DAB1: variants seen among roughly 807,000 people sequenced by gnomAD.
DAB1 encodes the protein DAB adaptor protein 1, also known as disabled homolog 1.
In DAB1, 15 loss-of-function variants were observed where a neutral mutation model predicts 64.6. That is an observed-to-expected ratio of 0.23 (90% confidence interval 0.16 to 0.36). The LOEUF is 0.36. Among genes scored for constraint, DAB1 ranks in the 10% least tolerant of loss-of-function variants. DAB1 has a pLI of 1.00. For synonymous variants in DAB1, 235 were observed against 251.9 expected, an observed-to-expected ratio of 0.93 and a Z score of 0.64; for missense variants, 596 against 706.7, an observed-to-expected ratio of 0.84 and a Z score of 1.78.
chr1:58,545,374 A>C (rs1012288100), intron 1 of DAB1, among the ~76,000 whole-genome samples: 1 of 152,190 alleles, frequency 6.6e-6, no homozygotes, highest in African/African-American at 2.4e-5. Context: ...ACTGACAACC[A>C]AGTGTCGTTT....
At chr1:57,214,303 A>G (rs1170359756) in intron 2 of DAB1, among the ~76,000 whole-genome samples, 1 of 152,150 alleles carries the variant, frequency 6.6e-6, no homozygotes, top group Non-Finnish European at 1.5e-5. Flanking sequence ...ATCACCTCCT[A>G]AAGGCCCACC....
At chr1:57,093,378 C>T (rs1653869876) in intron 4 of DAB1, among the ~76,000 whole-genome samples, 1 of 152,110 alleles carries the variant, frequency 6.6e-6, no homozygotes, top group Non-Finnish European at 1.5e-5. Context: ...CTCAGTGAGC[C>T]CAGTTCCAGG....
chr1:58,381,611 G>C (rs1644389961), intron 3 of DAB1, among the ~76,000 whole-genome samples: 1 of 152,190 alleles, frequency 6.6e-6, no homozygotes, highest in Non-Finnish European at 1.5e-5. Context: ...TCAGATTCAG[G>C]ATACAGTTTG....
At chr1:57,162,296 G>A (rs1444137145) in intron 2 of DAB1, among the ~76,000 whole-genome samples, 1 of 152,176 alleles carries the variant, frequency 6.6e-6, no homozygotes, top group Non-Finnish European at 1.5e-5. Context: ...AGGAGTGTTT[G>A]TATAATTTGG....
intron 9 of DAB1, among the ~76,000 whole-genome samples, chr1:57,040,201 A>C (rs1448651365): frequency 6.6e-6 from 1 of 152,096 alleles, no homozygotes; most frequent in African/African-American, 2.4e-5. Flanking sequence ...GGGTTGGGGA[A>C]GCTGGGGGCA....
Position 57,015,290 on chromosome 1 carries a change from A to G in DAB1, c.1037T>C (p.Leu346Pro), listed in dbSNP as rs149973899. 4.8e-5 allele frequency: 77 copies of G among 1,613,992 alleles called. No individual in the cohort carries two copies. The highest frequency in any genetic ancestry group is 3.2e-4 in the Admixed American group (19 of 60,008). ...AQPIAWGQPGLFPATQQPWPT... is the reference protein window; with the variant it reads ...AQPIAWGQPGPFPATQQPWPT... Reference sequence around the variant, plus strand: ...CCAGGGCTGCTGAGTGGCAGGAAAGAGACCCGGCTGGCCCCATGCGATGGG... The same window carrying G: ...CCAGGGCTGCTGAGTGGCAGGAAAGGGACCCGGCTGGCCCCATGCGATGGG... Residue 346 changes from leucine to proline, a missense_variant, in exon 12 of 15, where the codon CTC (leucine) becomes CCC (proline). By Grantham distance (98) the Leu-to-Pro change is moderately conservative. Coordinates refer to ENST00000371236, the MANE Select transcript of DAB1 (RefSeq NM_001365792.1).
chr1:57,904,136 T>C (rs774657520), intron 5 of DAB1, among the ~76,000 whole-genome samples: 14 of 152,194 alleles, frequency 9.2e-5, no homozygotes, highest in Non-Finnish European at 2.1e-4. Flanking sequence ...TCTGATTTGG[T>C]GGATCACAGG....
chr1:58,278,176 C>T (rs1569595819), intron 4 of DAB1, among the ~76,000 whole-genome samples: 1 of 152,144 alleles, frequency 6.6e-6, no homozygotes, highest in Non-Finnish European at 1.5e-5. Context: ...GCAGTTTCCC[C>T]CATGCTGTTC....
chr1:58,502,170 TA>T (rs958798943), intron 3 of DAB1, among the ~76,000 whole-genome samples: 1 of 152,064 alleles, frequency 6.6e-6, no homozygotes, highest in Non-Finnish European at 1.5e-5. Context: ...CAATAAGAAA[TA>T]AAAATATACA....
chr1:57,832,799 G>A (rs997635691), intron 1 of DAB1, among the ~76,000 whole-genome samples: 1 of 152,056 alleles, frequency 6.6e-6, no homozygotes, highest in Admixed American at 6.5e-5. Flanking sequence ...GAAGTGGATT[G>A]TTTATGTTTC....
rs377428714 is a variant in DAB1 at position 58,313,006 on chromosome 1, T to A, written n.309+30346A>T. 2.0e-4 allele frequency among the ~76,000 whole-genome samples: 31 copies of A among 152,304 alleles called. 1 individual carries two copies. The highest frequency in any genetic ancestry group is 7.5e-4 in the African/African-American group (31 of 41,584). Reference sequence around the variant, plus strand: ...AATGTTAAATATTAGCTATCTTTTTTATTTTAACCCTTGGGGCCTATTCTG... The same window carrying A: ...AATGTTAAATATTAGCTATCTTTTTAATTTTAACCCTTGGGGCCTATTCTG... On this transcript the variant is annotated intron_variant and non_coding_transcript_variant, in intron 4 of 20. Coordinates refer to the DAB1 transcript ENST00000485760.
intron 1 of DAB1, among the ~76,000 whole-genome samples, chr1:57,406,947 A>G (rs1268512841): frequency 2.0e-5 from 3 of 152,258 alleles, no homozygotes; most frequent in Non-Finnish European, 4.4e-5. Flanking sequence ...TAGCAGTGAC[A>G]TGCATGATAT....
chr1:58,317,935 G>A (rs1021578746), intron 4 of DAB1, among the ~76,000 whole-genome samples: 5 of 152,224 alleles, frequency 3.3e-5, no homozygotes, highest in African/African-American at 9.6e-5. Flanking sequence ...TGCAAAGTCA[G>A]GGACTGTGCT....
intron 7 of DAB1, among the ~76,000 whole-genome samples, chr1:57,595,187 T>C (rs1183971039): frequency 6.6e-6 from 1 of 151,974 alleles, no homozygotes; most frequent in African/African-American, 2.4e-5. Flanking sequence ...TTAATTATTT[T>C]AGATTTTTTA....
In DAB1 at chr1:58,085,958, C is replaced by CTTTTTTT. The variant is rs911523306; in HGVS notation, n.387+64546_387+64552dup. On this transcript the variant is annotated intron_variant and non_coding_transcript_variant, in intron 5 of 20. Coordinates refer to the DAB1 transcript ENST00000485760. Reference sequence around the variant, plus strand: ...GGATGCTGTGGGCTGATCTCTCTCTCTTTTTTTTTTTTTTTTTTTTTTTGA... The same window carrying CTTTTTTT: ...GGATGCTGTGGGCTGATCTCTCTCTCTTTTTTTTTTTTTTTTTTTTTTTTTTTTTTGA... 9.3e-4 allele frequency among the ~76,000 whole-genome samples: 92 copies of CTTTTTTT among 98,694 alleles called. 2 individuals carry two copies. The highest frequency in any genetic ancestry group is 2.0e-3 in the East Asian group (5 of 2,512). 64.7% of individuals were successfully genotyped at this position (98,694 alleles called of 152,430 possible). A position where few individuals can be genotyped will look rare whatever the true frequency, so the allele number is the denominator to read the frequency against.
intron 7 of DAB1, among the ~76,000 whole-genome samples, chr1:57,478,425 C>G (rs538401392): frequency 1.8e-4 from 27 of 151,936 alleles, no homozygotes; most frequent in Admixed American, 1.4e-3. Flanking sequence ...GTGGCAAGGA[C>G]TATTTGGATG....
intron 2 of DAB1, among the ~76,000 whole-genome samples, chr1:57,230,471 A>AAACG (rs1667592062): frequency 6.6e-6 from 1 of 152,184 alleles, no homozygotes; most frequent in Non-Finnish European, 1.5e-5. Context: ...ACAAACAAAC[A>AAACG]TAATTTCTCA....
At chr1:57,477,125 C>T (rs951625609) in intron 7 of DAB1, among the ~76,000 whole-genome samples, 1 of 152,202 alleles carries the variant, frequency 6.6e-6, no homozygotes, top group African/African-American at 2.4e-5. Flanking sequence ...TGGAATTTGT[C>T]AGCGAGACAA....
In DAB1 at chr1:58,043,499, C is replaced by T. The variant is rs550930553; in HGVS notation, n.387+107012G>A. Among the ~76,000 whole-genome samples the T allele has an allele frequency of 2.9e-3, 438 of 152,226 alleles. 1 individual carries two copies. Among genetic ancestry groups the T allele is most frequent in the African/African-American group, 9.8e-3 (407 of 41,540 alleles). On this transcript the variant is annotated intron_variant and non_coding_transcript_variant, in intron 5 of 20. Coordinates refer to the DAB1 transcript ENST00000485760. ...ATTTCCACTGCTTGTAGTGCTTTTTCAATCTGATCCATCTGACAAAACTCT... is the reference window on the plus strand; with the variant it reads ...ATTTCCACTGCTTGTAGTGCTTTTTTAATCTGATCCATCTGACAAAACTCT...
Sources: gnomAD v4.1 joint callset for allele counts (sites outside exome capture counted in the v4.1 genomes callset) on GRCh38, gnomAD v4.1.1 for gene constraint, MANE v1.5 for transcripts, NCBI Gene and HGNC (gene_info 2026-07-23, HGNC 2026-07-21) for gene names.